CAMK1D: variants seen among roughly 807,000 people sequenced by gnomAD.
The protein encoded by CAMK1D is calcium/calmodulin dependent protein kinase ID.
A neutral mutation model predicts 47.7 loss-of-function variants in CAMK1D; 9 were observed. That is an observed-to-expected ratio of 0.19 (90% CI 0.11 to 0.33). CAMK1D has a LOEUF of 0.33. CAMK1D is among the 10% of genes least tolerant of loss of function. CAMK1D has a pLI of 1.00. For synonymous variants in CAMK1D, 184 were observed against 184.9 expected (o/e 0.99, Z 0.04); for missense variants, 291 against 488.7 (o/e 0.60, Z 3.81).
chr10:12,767,462 C>G lies in CAMK1D; in HGVS notation c.439-2211C>G, dbSNP rs150843256. 6.2e-3 allele frequency among the ~76,000 whole-genome samples: 938 copies of G among 152,288 alleles called. 15 individuals carry two copies. Among genetic ancestry groups the G allele is most frequent in the African/African-American group, 0.022 (898 of 41,556 alleles). On this transcript the variant is annotated intron_variant, in intron 4 of 10. Coordinates refer to ENST00000619168, the MANE Select transcript of CAMK1D (RefSeq NM_153498.4). ...AAAGTGCTGGGATTACAGGCATGAG[C>G]CACTGCGCCTAACCAGGTCTCAGTC...
intron 5 of CAMK1D, among the ~76,000 whole-genome samples, chr10:12,774,775 G>C (rs975087843): frequency 6.6e-6 from 1 of 152,244 alleles, no homozygotes; most frequent in African/African-American, 2.4e-5. Context: ...CTTGAACCCC[G>C]TTGTGATCTG....
intron 2 of CAMK1D, among the ~76,000 whole-genome samples, chr10:12,582,650 G>C (rs569940107): frequency 6.6e-6 from 1 of 152,278 alleles, no homozygotes; most frequent in Non-Finnish European, 1.5e-5. Context: ...AAGGGGTTGA[G>C]TTCTTGATTT....
intron 2 of CAMK1D, among the ~76,000 whole-genome samples, chr10:12,586,453 G>GAAAAAAAAAAAAAAAAAA (rs201388483): frequency 1.8e-5 from 2 of 111,722 alleles, no homozygotes; most frequent in African/African-American, 3.3e-5. Context: ...CCTCTCAAAA[G>GAAAAAAAAAAAAAAAAAA]AAAAAAAAAA....
At chr10:12,576,375 G>T (rs1226935643) in intron 2 of CAMK1D, among the ~76,000 whole-genome samples, 1 of 152,134 alleles carries the variant, frequency 6.6e-6, no homozygotes, top group Non-Finnish European at 1.5e-5. Flanking sequence ...TGCCTACATG[G>T]ATGACAGTTT....
chr10:12,595,738 C>T (rs1250893753), intron 2 of CAMK1D, among the ~76,000 whole-genome samples: 1 of 152,058 alleles, frequency 6.6e-6, no homozygotes, highest in Non-Finnish European at 1.5e-5. Flanking sequence ...GGAAGCGTGA[C>T]ATTAGATAGC....
chr10:12,818,180 G>T (rs1832878191), intron 8 of CAMK1D, among the ~76,000 whole-genome samples: 1 of 152,148 alleles, frequency 6.6e-6, no homozygotes, highest in Non-Finnish European at 1.5e-5. Context: ...GGGGTCTTGT[G>T]TGCTGGTCAG....
intron 2 of CAMK1D, among the ~76,000 whole-genome samples, chr10:12,586,940 T>C (rs1837836090): frequency 6.6e-6 from 1 of 152,182 alleles, no homozygotes; most frequent in South Asian, 2.1e-4. Context: ...TCTAGGTTGC[T>C]TCTCCTGCTG....
chr10:12,643,004 T>G (rs900289344), intron 2 of CAMK1D, among the ~76,000 whole-genome samples: 1 of 152,152 alleles, frequency 6.6e-6, no homozygotes, highest in African/African-American at 2.4e-5. Context: ...GGTTTGTTGT[T>G]GTTGTTTGTT....
At chr10:12,553,410 C>T (rs1261094271) in intron 2 of CAMK1D, 54 bp downstream of exon 2, 9 of 1,449,852 alleles carry the variant, frequency 6.2e-6, no homozygotes, top group Admixed American at 1.7e-5. Flanking sequence ...CCCGTGTGTC[C>T]TGCAGGAGTC....
intron 1 of CAMK1D, among the ~76,000 whole-genome samples, chr10:12,484,981 C>T (rs930632021): frequency 2.6e-5 from 4 of 152,144 alleles, no homozygotes; most frequent in African/African-American, 9.7e-5. Context: ...GTAATGTCAC[C>T]GATTACCATC....
intron 3 of CAMK1D, among the ~76,000 whole-genome samples, chr10:12,695,255 G>T (rs1407649659): frequency 6.6e-6 from 1 of 152,136 alleles, no homozygotes; most frequent in Admixed American, 6.5e-5. Flanking sequence ...GAATGACTTG[G>T]AGTTTCTTTT....
chr10:12,511,522 G>A (rs1043525341), intron 1 of CAMK1D, among the ~76,000 whole-genome samples: 4 of 152,140 alleles, frequency 2.6e-5, no homozygotes, highest in African/African-American at 9.7e-5. Flanking sequence ...AAGGCAGAAG[G>A]ATCGCTTGAG....
intron 1 of CAMK1D, among the ~76,000 whole-genome samples, chr10:12,550,210 T>A (rs1027141439): frequency 8.5e-5 from 13 of 152,182 alleles, no homozygotes; most frequent in African/African-American, 2.9e-4. Context: ...CATTGGGGTG[T>A]CATCAGCATT....
At chr10:12,707,359 C>CACAT (rs768937849) in intron 3 of CAMK1D, among the ~76,000 whole-genome samples, 57 of 152,226 alleles carry the variant, frequency 3.7e-4, no homozygotes, top group Admixed American at 5.9e-4. Context: ...TTTGTGTTGA[C>CACAT]TGGGGTAAAA....
intron 2 of CAMK1D, among the ~76,000 whole-genome samples, chr10:12,567,603 GTTCT>G (rs1837164790): frequency 6.6e-6 from 1 of 152,186 alleles, no homozygotes; most frequent in Non-Finnish European, 1.5e-5. Flanking sequence ...GGTGTTCAGT[GTTCT>G]TTCTAATGAG....
chr10:12,368,018 C>G lies in CAMK1D; in HGVS notation c.92+18108C>G, dbSNP rs1050417604. 2.6e-5 allele frequency among the ~76,000 whole-genome samples: 4 copies of G among 152,176 alleles called. No individual in the cohort carries two copies. In the East Asian group the frequency reaches 7.7e-4, roughly 29 times the overall value. ...CCATCCTGGCTAACACAGTGAAACC[C>G]TGTCTCTACTAAAAATACAAAAAAT... On this transcript the variant is annotated intron_variant, in intron 1 of 10. Coordinates refer to ENST00000619168, the MANE Select transcript of CAMK1D (RefSeq NM_153498.4).
chr10:12,595,664 T>G (rs145431506), intron 2 of CAMK1D, among the ~76,000 whole-genome samples: 41 of 152,252 alleles, frequency 2.7e-4, no homozygotes, highest in African/African-American at 9.4e-4. Flanking sequence ...CCCTTGACCA[T>G]GTTTCCAGGG....
chr10:12,569,091 G>T (rs767380754), intron 2 of CAMK1D, among the ~76,000 whole-genome samples: 21 of 152,086 alleles, frequency 1.4e-4, no homozygotes, highest in Non-Finnish European at 2.4e-4. Flanking sequence ...TGGTATTGTT[G>T]CTGAGTCGGA....
intron 1 of CAMK1D, among the ~76,000 whole-genome samples, chr10:12,508,324 C>T (rs900545064): frequency 2.0e-5 from 3 of 152,164 alleles, no homozygotes; most frequent in Non-Finnish European, 4.4e-5. Context: ...TGCAACCTTA[C>T]AAAAAAAGGA....
Sources: allele counts gnomAD v4.1 joint callset (sites outside exome capture counted in the v4.1 genomes callset), GRCh38; gene constraint gnomAD v4.1.1; transcripts MANE v1.5; gene names NCBI Gene and HGNC (gene_info 2026-07-23, HGNC 2026-07-21).